Variants in MANBA observed in about 807,000 individuals in gnomAD.
The protein encoded by MANBA is beta-mannosidase.
MANBA carries 83 observed loss-of-function variants against 111.1 expected under a neutral mutation model. The observed-to-expected ratio is 0.75, with a 90% CI of 0.63 to 0.90. MANBA has a LOEUF of 0.90. Ranked by LOEUF, MANBA falls within the 40% of genes least tolerant of loss-of-function variation. The pLI is 0.00. For missense variants in MANBA, 1,036 were observed against 1,069.0 expected, an observed-to-expected ratio of 0.97 and a Z score of 0.43; for synonymous variants, 370 against 378.7, an observed-to-expected ratio of 0.98 and a Z score of 0.27.
At chr4:102,652,939 C>T (rs1229877505) in intron 12 of MANBA, among the ~76,000 whole-genome samples, 3 of 151,984 alleles carry the variant, frequency 2.0e-5, no homozygotes, top group African/African-American at 4.8e-5. Context: ...ACTATTATCA[C>T]CCCATTTTAC....
chr4:102,721,153 G>C (rs765360065), intron 4 of MANBA, among the ~76,000 whole-genome samples: 2 of 152,088 alleles, frequency 1.3e-5, no homozygotes, highest in African/African-American at 4.8e-5. Flanking sequence ...GCGAAACTCC[G>C]TCTCTACTAA....
At chr4:102,687,115 G>C (rs1273687754) in intron 7 of MANBA, among the ~76,000 whole-genome samples, 1 of 152,086 alleles carries the variant, frequency 6.6e-6, no homozygotes, top group Non-Finnish European at 1.5e-5. Flanking sequence ...GAGGCTGCCT[G>C]TTCAGCAGCC....
At position 102,631,228 on chromosome 4, in the gene MANBA, A is replaced by T. The variant is rs1166231740; in HGVS notation, c.*829T>A. 1 of 152,134 alleles carries T rather than the reference A, an allele frequency of 6.6e-6. No individual in the cohort carries two copies. Among genetic ancestry groups the T allele is most frequent in the Non-Finnish European group, 1.5e-5 (1 of 68,098 alleles). The allele number at this position is 152,134 out of a possible 1,614,324, so 9.4% of individuals were successfully genotyped here. On this transcript the variant is annotated 3_prime_UTR_variant, in exon 17 of 17. Coordinates refer to ENST00000647097, the MANE Select transcript of MANBA (RefSeq NM_005908.4). ...GTAGTTACTTTTAGAGTCACTGAAC[A>T]TAATGCTTCTCATTTTTAAAACCAA...
At chr4:102,687,477 T>C (rs1219781993) in intron 7 of MANBA, among the ~76,000 whole-genome samples, 3 of 152,206 alleles carry the variant, frequency 2.0e-5, no homozygotes, top group African/African-American at 7.2e-5. Context: ...TACAACACCA[T>C]CTCTTGTTCT....
chr4:102,719,403 C>T (rs112400361), intron 4 of MANBA, among the ~76,000 whole-genome samples: 2,237 of 152,258 alleles, frequency 0.015, 26 homozygotes, highest in African/African-American at 0.031. Flanking sequence ...TTTCAGGGTG[C>T]ACTGATCATA....
At chr4:102,644,463 G>T (rs897813520) in intron 13 of MANBA, among the ~76,000 whole-genome samples, 3 of 152,156 alleles carry the variant, frequency 2.0e-5, no homozygotes, top group Non-Finnish European at 2.9e-5. Context: ...AATCCTGTCA[G>T]TTGTGACAAC....
chr4:102,631,581 C>T lies in MANBA; in HGVS notation c.*476G>A, dbSNP rs1729375632. On this transcript the variant is annotated 3_prime_UTR_variant, in exon 17 of 17. Transcript: ENST00000647097. ...TATACCTTTACCCAAATAGCTACCA[C>T]CAAGAAATCTCTGTTGTAACATTTC... is the stretch of plus-strand genomic sequence containing the variant. 4.9e-6 allele frequency: 2 copies of T among 407,464 alleles called. No homozygotes were observed. Among genetic ancestry groups the T allele is most frequent in the Non-Finnish European group, 8.6e-6 (2 of 231,854 alleles). The allele number at this position is 407,464 out of a possible 1,614,324, so 25.2% of individuals were successfully genotyped here. A position where few individuals can be genotyped will look rare whatever the true frequency, so the allele number is the denominator to read the frequency against.
intron 1 of MANBA, among the ~76,000 whole-genome samples, chr4:102,742,190 G>A (rs1212616390): frequency 6.6e-6 from 1 of 152,182 alleles, no homozygotes; most frequent in African/African-American, 2.4e-5. Flanking sequence ...GGAGGAGCCC[G>A]AAGTGTCCAG....
At chr4:102,652,835 CAGTG>C (rs1226646301) in intron 12 of MANBA, among the ~76,000 whole-genome samples, 1 of 152,188 alleles carries the variant, frequency 6.6e-6, no homozygotes, top group Non-Finnish European at 1.5e-5. Context: ...TTTGAGGCTG[CAGTG>C]AGTTGTGATC....
chr4:102,693,935 T>C (rs1732595296), intron 5 of MANBA, among the ~76,000 whole-genome samples: 2 of 152,208 alleles, frequency 1.3e-5, no homozygotes, highest in Admixed American at 1.3e-4. Flanking sequence ...TGAAATATAC[T>C]TCTCCTTAAT....
intron 13 of MANBA, among the ~76,000 whole-genome samples, chr4:102,648,399 C>G (rs905204092): frequency 2.0e-5 from 3 of 151,960 alleles, no homozygotes; most frequent in African/African-American, 4.8e-5. Context: ...TAGTATTTGG[C>G]AAGAAAAAGG....
chr4:102,680,324 C>T (rs1184252753), intron 7 of MANBA, among the ~76,000 whole-genome samples: 1 of 152,144 alleles, frequency 6.6e-6, no homozygotes, highest in African/African-American at 2.4e-5. Flanking sequence ...TGATTAATGT[C>T]ATCTAAAACT....
chr4:102,748,228 GT>G (rs1200330861), intron 1 of MANBA, among the ~76,000 whole-genome samples: 1 of 152,198 alleles, frequency 6.6e-6, no homozygotes, highest in Non-Finnish European at 1.5e-5. Flanking sequence ...TGTTTTCTCA[GT>G]TCTTGAATGG....
chr4:102,697,545 C>G (rs1388978821), intron 5 of MANBA, among the ~76,000 whole-genome samples: 2 of 127,610 alleles, frequency 1.6e-5, no homozygotes, highest in Non-Finnish European at 3.2e-5. Flanking sequence ...GTGTGATGTT[C>G]CCCTTCCTGT....
chr4:102,703,978 C>G (rs1733180793), intron 5 of MANBA, among the ~76,000 whole-genome samples: 1 of 152,082 alleles, frequency 6.6e-6, no homozygotes, highest in South Asian at 2.1e-4. Context: ...ACCTGTAGTA[C>G]CAGCTACTCG....
rs1223984757 is a variant in MANBA, at chr4:102,647,577, A to C, written c.1869+2960T>G. Among the ~76,000 whole-genome samples the C allele has an allele frequency of 2.6e-5, 4 of 151,842 alleles. No homozygotes were observed. The East Asian group carries it at 7.7e-4, about 29-fold the overall frequency. The stretch of plus-strand genomic sequence containing the variant: ...AGTCTCTTATACACACACACACACA[A>C]ATAATAATCAGCCTATTTTATATGT... On this transcript the variant is annotated intron_variant, in intron 13 of 16. Transcript: ENST00000647097.
At chr4:102,702,298 G>T (rs1733092510) in intron 5 of MANBA, among the ~76,000 whole-genome samples, 1 of 151,788 alleles carries the variant, frequency 6.6e-6, no homozygotes, top group African/African-American at 2.4e-5. Flanking sequence ...CTTTGCCTTT[G>T]GTTTGAATTT....
intron 1 of MANBA, among the ~76,000 whole-genome samples, chr4:102,737,989 T>C (rs1481860142): frequency 1.3e-5 from 2 of 152,090 alleles, no homozygotes; most frequent in African/African-American, 4.8e-5. Flanking sequence ...CAAAGACAAA[T>C]GACATAAACC....
At chr4:102,672,185 C>T (rs717279) in intron 8 of MANBA, 12,410 of 398,236 alleles carry the variant, frequency 0.031, 1,184 homozygotes, top group African/African-American at 0.21. Context: ...AAGGAAATTA[C>T]TACAACTTTT....
Sources: gnomAD v4.1 joint callset for allele counts (sites outside exome capture counted in the v4.1 genomes callset) on GRCh38, gnomAD v4.1.1 for gene constraint, MANE v1.5 for transcripts, NCBI Gene and HGNC (gene_info 2026-07-23, HGNC 2026-07-21) for gene names.